Variants in TWIST2 observed in about 807,000 individuals in gnomAD.
The protein encoded by TWIST2 is twist family bHLH transcription factor 2.
A neutral mutation model predicts 11.6 loss-of-function variants in TWIST2; 1 was observed. That is an observed-to-expected ratio of 0.09 (90% CI 0.03 to 0.41). The LOEUF (loss-of-function observed/expected upper bound fraction) is 0.41, where lower values mean the gene tolerates loss of function less well. Among genes scored for constraint, TWIST2 ranks in the 10% least tolerant of loss-of-function variants. TWIST2 has a pLI of 0.98. For missense variants in TWIST2, 168 were observed against 226.4 expected, an observed-to-expected ratio of 0.74 and a Z score of 1.66; for synonymous variants, 87 against 96.6, an observed-to-expected ratio of 0.90 and a Z score of 0.58.
At chr2:238,858,900 G>A (rs1052573892) in intron 1 of TWIST2, among the ~76,000 whole-genome samples, 1 of 152,160 alleles carries the variant, frequency 6.6e-6, no homozygotes, top group Admixed American at 6.5e-5. Flanking sequence ...TTCGTACAAT[G>A]GAATGTAATT....
intron 1 of TWIST2, among the ~76,000 whole-genome samples, chr2:238,893,878 C>G (rs1693177600): frequency 6.6e-6 from 1 of 152,182 alleles, no homozygotes; most frequent in South Asian, 2.1e-4. Flanking sequence ...GTGACCTTTA[C>G]GACGCGCCGT....
At chr2:238,877,422 T>C (rs939154616) in intron 1 of TWIST2, among the ~76,000 whole-genome samples, 48 of 152,024 alleles carry the variant, frequency 3.2e-4, no homozygotes, top group African/African-American at 1.1e-3. Context: ...GTCTACCCCA[T>C]ATCAAAAAAA....
chr2:238,887,799 C>T (rs530931522), intron 1 of TWIST2, among the ~76,000 whole-genome samples: 13 of 152,250 alleles, frequency 8.5e-5, no homozygotes, highest in East Asian at 1.9e-4. Flanking sequence ...TTCGTGACTG[C>T]GTGGAGCAGA....
intron 1 of TWIST2, among the ~76,000 whole-genome samples, chr2:238,885,969 G>A (rs900981177): frequency 4.6e-5 from 7 of 151,826 alleles, no homozygotes; most frequent in South Asian, 2.1e-4. Context: ...GGTGGCAGAC[G>A]CCTGTAATCC....
rs1692166368 is a variant in TWIST2 at position 238,848,181 on chromosome 2, G to GGCGCCCCC, written c.-34_-27dup. On this transcript the variant is annotated 5_prime_UTR_variant, in exon 1 of 2. Transcript: ENST00000612363. ...GCCAGCGGCGCGCGCTCGGCGCCCC[G>GGCGCCCCC]GCGCCCCCAGCCCCACGCGCGCCGG... 2 of 1,218,568 alleles carry GGCGCCCCC rather than the reference G, an allele frequency of 1.6e-6. No individual in the cohort carries two copies. The highest frequency in any genetic ancestry group is 2.0e-6 in the Non-Finnish European group (2 of 980,472). The allele number at this position is 1,218,568 out of a possible 1,614,324, so 75.5% of individuals were successfully genotyped here.
At chr2:238,853,059 G>C (rs898981066) in intron 1 of TWIST2, among the ~76,000 whole-genome samples, 7 of 152,048 alleles carry the variant, frequency 4.6e-5, no homozygotes, top group Non-Finnish European at 1.0e-4. Flanking sequence ...CTAATTAGAA[G>C]TGGTTCCCTG....
At chr2:238,858,481 A>G (rs1265111243) in intron 1 of TWIST2, among the ~76,000 whole-genome samples, 1 of 152,176 alleles carries the variant, frequency 6.6e-6, no homozygotes, top group Admixed American at 6.5e-5. Context: ...TAGCTCCCCA[A>G]GTGACTCTCT....
intron 1 of TWIST2, among the ~76,000 whole-genome samples, chr2:238,852,234 C>A (rs1248160975): frequency 6.6e-6 from 1 of 152,004 alleles, no homozygotes; most frequent in East Asian, 1.9e-4. Flanking sequence ...TTAAAAAAAA[C>A]AAATATTTTA....
intron 1 of TWIST2, among the ~76,000 whole-genome samples, chr2:238,865,191 A>G (rs562426023): frequency 6.6e-6 from 1 of 152,194 alleles, no homozygotes; most frequent in Non-Finnish European, 1.5e-5. Flanking sequence ...GTAACTCCTC[A>G]GCTGAGAGCA....
At chr2:238,891,417 T>C (rs1693130448) in intron 1 of TWIST2, among the ~76,000 whole-genome samples, 1 of 152,230 alleles carries the variant, frequency 6.6e-6, no homozygotes, top group Admixed American at 6.5e-5. Flanking sequence ...AACCTGGGGC[T>C]TGGCCGGCAT....
chr2:238,870,045 C>T (rs758674103), intron 1 of TWIST2, among the ~76,000 whole-genome samples: 14 of 144,728 alleles, frequency 9.7e-5, no homozygotes, highest in South Asian at 4.5e-4. Context: ...GAAGACAGTA[C>T]GGAGGGTCCT....
At chr2:238,880,901 ATTAGTG>A (rs142488822) in intron 1 of TWIST2, among the ~76,000 whole-genome samples, 2,998 of 104,894 alleles carry the variant, frequency 0.029, 448 homozygotes, top group East Asian at 0.26. Flanking sequence ...ATTTATTATT[ATTAGTG>A]TTAGTGTCAG....
chr2:238,873,560 C>T (rs1432732160), intron 1 of TWIST2, among the ~76,000 whole-genome samples: 1 of 152,154 alleles, frequency 6.6e-6, no homozygotes, highest in African/African-American at 2.4e-5. Flanking sequence ...TGAGCGCACA[C>T]AAGAGCTACG....
intron 1 of TWIST2, among the ~76,000 whole-genome samples, chr2:238,902,019 G>A (rs1313325694): frequency 6.6e-6 from 1 of 152,142 alleles, no homozygotes; most frequent in Non-Finnish European, 1.5e-5. Context: ...GCTGAGGAAA[G>A]GCAGGGAAAG....
rs1315405335 is a variant in TWIST2, at chr2:238,880,727, CTATTAG to C, written c.*36-29107_*36-29102del. ...TTAGCATTAGTATTAATGTTAGTAT[CTATTAG>C]TATTAGTGTTAGTGTTGGTGTTAAT... On this transcript the variant is annotated intron_variant, in intron 1 of 1. Coordinates refer to ENST00000612363, the MANE Select transcript of TWIST2 (RefSeq NM_001271893.4). 1.1e-4 allele frequency among the ~76,000 whole-genome samples: 11 copies of C among 104,452 alleles called. 2 individuals carry two copies. The highest frequency in any genetic ancestry group is 1.7e-4 in the Non-Finnish European group (9 of 53,180). 68.5% of individuals were successfully genotyped at this position (104,452 alleles called of 152,430 possible).
chr2:238,871,171 ACACCACACACC>A (rs1559274786), intron 1 of TWIST2, among the ~76,000 whole-genome samples: 1 of 25,314 alleles, frequency 4.0e-5, no homozygotes, highest in Non-Finnish European at 7.9e-5. Context: ...CCCCACACAC[ACACCACACACC>A]CCACACACAC....
At chr2:238,904,654 T>C (rs1693320195) in intron 1 of TWIST2, among the ~76,000 whole-genome samples, 1 of 152,130 alleles carries the variant, frequency 6.6e-6, no homozygotes, top group Non-Finnish European at 1.5e-5. Context: ...CCCTGTGTTC[T>C]AGTTGCTTAC....
At chr2:238,907,318 C>T (rs1174386339) in intron 1 of TWIST2, among the ~76,000 whole-genome samples, 1 of 152,222 alleles carries the variant, frequency 6.6e-6, no homozygotes, top group Non-Finnish European at 1.5e-5. Context: ...CCCCGGCCAC[C>T]TCTCAGCACC....
rs1692561201 is a variant in TWIST2 at position 238,867,388 on chromosome 2, C to T, written c.*35+18655C>T. On this transcript the variant is annotated intron_variant, in intron 1 of 1. Transcript: ENST00000612363. The surrounding 1 kb of genome is among the most constrained non-coding windows in gnomAD (Gnocchi z 4.8). ...TGCCTTCAACACACACACACACACA[C>T]ACACACACACACACACACACACACT... 6.6e-6 allele frequency among the ~76,000 whole-genome samples: 1 copy of T among 150,636 alleles called. No homozygotes were observed. The highest frequency in any genetic ancestry group is 1.5e-5 in the Non-Finnish European group (1 of 67,586).
Sources: allele counts gnomAD v4.1 joint callset (sites outside exome capture counted in the v4.1 genomes callset), GRCh38; gene constraint gnomAD v4.1.1; non-coding constraint Gnocchi (gnomAD v3.1); transcripts MANE v1.5; gene names NCBI Gene and HGNC (gene_info 2026-07-23, HGNC 2026-07-21).